The following FAM117A variants were observed in gnomAD, a reference collection of about 807,000 sequenced individuals.
FAM117A encodes the protein family with sequence similarity 117 member A, also known as protein FAM117A.
FAM117A carries 21 observed loss-of-function variants against 44.1 expected under a neutral mutation model. That is an observed-to-expected ratio of 0.48 (90% confidence interval 0.34 to 0.69). The LOEUF (loss-of-function observed/expected upper bound fraction) is 0.69, where lower values mean the gene tolerates loss of function less well. Ranked by LOEUF, FAM117A falls within the 30% of genes least tolerant of loss-of-function variation. FAM117A has a pLI of 0.01. For missense variants in FAM117A, 498 were observed against 589.9 expected, an observed-to-expected ratio of 0.84 and a Z score of 1.61; for synonymous variants, 220 against 238.3, an observed-to-expected ratio of 0.92 and a Z score of 0.71.
chr17:49,751,362 C>T (rs907309979), intron 1 of FAM117A, among the ~76,000 whole-genome samples: 2 of 151,040 alleles, frequency 1.3e-5, no homozygotes, highest in African/African-American at 2.4e-5. Context: ...AGGTGGATCA[C>T]GAGGTCAAGA....
chr17:49,715,640 G>A (rs751871042), intron 7 of FAM117A, among the ~76,000 whole-genome samples: 3 of 152,128 alleles, frequency 2.0e-5, no homozygotes, highest in Admixed American at 6.5e-5. Context: ...GGAAATTTCT[G>A]TCTGGGAGTT....
intron 1 of FAM117A, among the ~76,000 whole-genome samples, chr17:49,740,005 A>G (rs1040209121): frequency 3.3e-5 from 5 of 152,188 alleles, no homozygotes; most frequent in Non-Finnish European, 7.4e-5. Flanking sequence ...ACAAAACAGC[A>G]CACACAGGAG....
At chr17:49,732,910 C>T in intron 1 of FAM117A, 190 bp from the exon 2 acceptor site, 1 of 596,590 alleles carries the variant, frequency 1.7e-6, no homozygotes, top group Non-Finnish European at 2.9e-6. Flanking sequence ...ACCTACTCAG[C>T]CAGCCTTTAT....
chr17:49,720,044 C>T (rs1047645325), intron 4 of FAM117A, 150 bp from the exon 5 acceptor site: 1 of 1,131,330 alleles, frequency 8.8e-7, no homozygotes, highest in Non-Finnish European at 1.2e-6. Context: ...AATAGGTCCA[C>T]TCAGGGCAGT....
At chr17:49,774,269 C>T (rs1567838940) in intron 1 of FAM117A, among the ~76,000 whole-genome samples, 1 of 152,324 alleles carries the variant, frequency 6.6e-6, no homozygotes, top group Non-Finnish European at 1.5e-5. Flanking sequence ...CCACCTCAGC[C>T]TCCGGAGTAG....
intron 1 of FAM117A, among the ~76,000 whole-genome samples, chr17:49,734,485 G>C (rs1362321117): frequency 6.6e-6 from 1 of 151,848 alleles, no homozygotes; most frequent in African/African-American, 2.4e-5. Flanking sequence ...CCAGCTACTC[G>C]GGAGGCTGAG....
upstream of FAM117A, among the ~76,000 whole-genome samples, chr17:49,765,405 T>C (rs1377036111): frequency 6.6e-6 from 1 of 152,216 alleles, no homozygotes; most frequent in Admixed American, 6.5e-5. Flanking sequence ...CCTGAAGCCA[T>C]ACTAACTAAT....
At chr17:49,741,646 G>T (rs1207974962) in intron 1 of FAM117A, among the ~76,000 whole-genome samples, 2 of 152,224 alleles carry the variant, frequency 1.3e-5, no homozygotes, top group African/African-American at 2.4e-5. Flanking sequence ...ATTTCTGTTA[G>T]AGGGAAATGT....
At position 49,732,684 on chromosome 17, in the gene FAM117A, A is replaced by G. The variant is rs745521538; in HGVS notation, c.233T>C (p.Val78Ala). ...VPCSVAPEKS[V>A]CRPQPLQVRR... is the part of the protein sequence containing the mutation. ...GACCTGAAGTGGCTGAGGCCTACAC[A>G]CTGACTTTTCTGGGGCCACCGAGCA... Residue 78 changes from valine (V) to alanine (A), a missense_variant, in exon 2 of 8, where the codon GTG becomes GCG. Physicochemically the swap from Val to Ala is moderately conservative, Grantham distance 64. This residue lies in a region of FAM117A where 270 missense variants were observed against 277.4 expected (regional missense o/e 0.97). Coordinates refer to ENST00000240364, the MANE Select transcript of FAM117A (RefSeq NM_030802.4). 1.9e-6 allele frequency: 3 copies of G among 1,613,790 alleles called. No homozygotes were observed. Among genetic ancestry groups the G allele is most frequent in the South Asian group, 2.2e-5 (2 of 91,016 alleles).
chr17:49,764,304 C>A (rs1014765730), upstream of FAM117A: 16 of 316,282 alleles, frequency 5.1e-5, no homozygotes, highest in Non-Finnish European at 7.5e-5. Flanking sequence ...CGATCCAAGC[C>A]AAGACCCCAC....
At chr17:49,764,191 C>T (rs2073736545), upstream of FAM117A, 1 of 538,746 alleles carries the variant, frequency 1.9e-6, no homozygotes, top group Non-Finnish European at 2.9e-6. Context: ...CCGGCCCCCT[C>T]ATCCTAGAGC....
Position 49,732,585 on chromosome 17 carries a change from G to A in FAM117A, c.332C>T (p.Ala111Val). Residue 111 changes from alanine to valine, a missense_variant, in exon 2 of 8, where the codon GCC becomes GTC. Physicochemically the swap from Ala to Val is moderately conservative, Grantham distance 64 (BLOSUM62 0). Coordinates refer to ENST00000240364, the MANE Select transcript of FAM117A (RefSeq NM_030802.4). ...CTTGTCATTGGTGCAGCAGGTGAAGGCCCCATCAGCATCTCGTGGCCACTG... is the reference window on the plus strand; with the variant it reads ...CTTGTCATTGGTGCAGCAGGTGAAGACCCCATCAGCATCTCGTGGCCACTG... Reference protein sequence around the residue: ...LGQWPRDADGAFTCCTNDKAT... With the variant: ...LGQWPRDADGVFTCCTNDKAT... The A allele has an allele frequency of 1.2e-6, 2 of 1,614,132 alleles. No individual in the cohort carries two copies. The highest frequency in any genetic ancestry group is 1.7e-5 in the Admixed American group (1 of 60,006).
At chr17:49,764,392 G>C (rs1360999035), upstream of FAM117A, among the ~76,000 whole-genome samples, 1 of 152,162 alleles carries the variant, frequency 6.6e-6, no homozygotes, top group Admixed American at 6.5e-5. Context: ...TGGTTCTCCA[G>C]CGCCACCAAT....
intron 2 of FAM117A, among the ~76,000 whole-genome samples, chr17:49,723,453 G>A (rs530692399): frequency 6.6e-6 from 1 of 152,294 alleles, no homozygotes; most frequent in Admixed American, 6.5e-5. Flanking sequence ...TAAGCATGAA[G>A]CCAAAGAGGC....
chr17:49,764,154 C>T (rs1342873870), upstream of FAM117A: 3 of 794,434 alleles, frequency 3.8e-6, no homozygotes, highest in Non-Finnish European at 5.2e-6. Flanking sequence ...CCCGAGGCCG[C>T]TGCTTATCTG....
intron 1 of FAM117A, among the ~76,000 whole-genome samples, chr17:49,749,399 A>T (rs559586765): frequency 2.6e-5 from 4 of 151,814 alleles, no homozygotes; most frequent in African/African-American, 9.7e-5. Context: ...ACATGGTGAA[A>T]CCCCATCTCT....
chr17:49,726,978 CAA>C (rs1208083401), intron 2 of FAM117A, among the ~76,000 whole-genome samples: 1 of 139,128 alleles, frequency 7.2e-6, no homozygotes, highest in Non-Finnish European at 1.6e-5. Context: ...GACCCTGTCT[CAA>C]AAAAAAAAGG....
chr17:49,717,508 C>T lies in FAM117A; in HGVS notation c.910+5G>A. On this transcript the variant is annotated splice_donor_5th_base_variant and intron_variant, in intron 6 of 7. Coordinates refer to ENST00000240364, the MANE Select transcript of FAM117A (RefSeq NM_030802.4). ...AGCCCTGCTGCCTCAGCCTTCGCGG[C>T]TTACCTTTGTCGTTGGGGGTGGATG... 1 of 1,613,688 alleles carries T rather than the reference C, an allele frequency of 6.2e-7. No homozygotes were observed. Among genetic ancestry groups the T allele is most frequent in the Middle Eastern group, 1.7e-4 (1 of 5,972 alleles).
chr17:49,788,118 T>A (rs2073829126), intron 1 of FAM117A, among the ~76,000 whole-genome samples: 1 of 152,224 alleles, frequency 6.6e-6, no homozygotes, highest in African/African-American at 2.4e-5. Flanking sequence ...CACTTGCTGT[T>A]AGCTAAGGGC....
Sources: allele counts gnomAD v4.1 joint callset (sites outside exome capture counted in the v4.1 genomes callset), GRCh38; gene constraint gnomAD v4.1.1; regional missense constraint gnomAD v4.1.1; transcripts MANE v1.5; gene names NCBI Gene and HGNC (gene_info 2026-07-23, HGNC 2026-07-21).